The following NFU1 variants were observed in gnomAD, a reference collection of about 807,000 sequenced individuals.
NFU1 encodes NFU1 iron-sulfur cluster scaffold homolog, mitochondrial.
A neutral mutation model predicts 32.2 loss-of-function variants in NFU1; 30 were observed. That is an observed-to-expected ratio of 0.93 (90% CI 0.70 to 1.26). The LOEUF (loss-of-function observed/expected upper bound fraction) is 1.26. Ranked by LOEUF, NFU1 falls within the 50% of genes most tolerant of loss-of-function variation. NFU1 has a pLI of 0.00. For synonymous variants in NFU1, 112 were observed against 104.6 expected, an observed-to-expected ratio of 1.07 and a Z score of -0.43; for missense variants, 306 against 306.6, an observed-to-expected ratio of 1.00 and a Z score of 0.02.
chr2:69,438,459 G>A (rs1383049388), upstream of NFU1, among the ~76,000 whole-genome samples: 1 of 151,962 alleles, frequency 6.6e-6, no homozygotes, highest in Non-Finnish European at 1.5e-5. Flanking sequence ...GTAGAGAAGA[G>A]GTCTCCCTGT....
chr2:69,405,190 G>A (rs1672658238), intron 6 of NFU1, among the ~76,000 whole-genome samples: 1 of 152,076 alleles, frequency 6.6e-6, no homozygotes, highest in South Asian at 2.1e-4. Flanking sequence ...AGGCTGTAGT[G>A]AGCTGAGATT....
At chr2:69,396,333 A>G in intron 7 of NFU1, 43 bp from the exon 8 acceptor site, 1 of 1,474,150 alleles carries the variant, frequency 6.8e-7, no homozygotes, top group Non-Finnish European at 9.4e-7. Context: ...TAAGAAAATG[A>G]TTAGATTTTG....
Position 69,401,043 on chromosome 2 carries a change from C to A in NFU1, c.546-505G>T, listed in dbSNP as rs1270610248. Among the ~76,000 whole-genome samples the A allele has an allele frequency of 2.0e-5, 3 of 152,272 alleles. No individual in the cohort carries two copies. The East Asian group carries it at 5.8e-4, about 29-fold the overall frequency. On this transcript the variant is annotated intron_variant, in intron 6 of 7. Coordinates refer to ENST00000410022, the MANE Select transcript of NFU1 (RefSeq NM_001002755.4). ...TGTGATTACCTAAAATATACTCAGT[C>A]ACTTCTTTTGAGTGAAGGAAAAGGG...
chr2:69,411,414 C>A (rs2104762075), intron 5 of NFU1, among the ~76,000 whole-genome samples: 1 of 151,924 alleles, frequency 6.6e-6, no homozygotes, highest in South Asian at 2.1e-4. Context: ...AAGGCATAAA[C>A]CACAAAGGAA....
At chr2:69,418,251 T>A (rs955845746) in intron 4 of NFU1, among the ~76,000 whole-genome samples, 1 of 151,898 alleles carries the variant, frequency 6.6e-6, no homozygotes, top group African/African-American at 2.4e-5. Flanking sequence ...AATACAAAAA[T>A]TAGTTGGACA....
At chr2:69,412,841 G>T (rs945804791) in intron 5 of NFU1, among the ~76,000 whole-genome samples, 1 of 131,282 alleles carries the variant, frequency 7.6e-6, no homozygotes, top group Non-Finnish European at 1.5e-5. Context: ...TTGGGTGACA[G>T]AGCAGGTCAC....
intron 3 of NFU1, among the ~76,000 whole-genome samples, chr2:69,420,986 T>C (rs186856190): frequency 2.1e-3 from 316 of 152,188 alleles, no homozygotes; most frequent in African/African-American, 7.2e-3. Context: ...GACAGAACAC[T>C]TGAGCTCAGG....
At chr2:69,402,219 T>G (rs1049652263) in intron 6 of NFU1, among the ~76,000 whole-genome samples, 3 of 152,164 alleles carry the variant, frequency 2.0e-5, no homozygotes, top group Non-Finnish European at 4.4e-5. Context: ...TTTTGCGAAG[T>G]ACCTGCTCCA....
intron 6 of NFU1, 31 bp from the exon 7 acceptor site, chr2:69,400,569 T>C (rs2104735700): frequency 6.3e-7 from 1 of 1,597,608 alleles, no homozygotes; most frequent in East Asian, 2.2e-5. Context: ...TATGACATAT[T>C]CTTTAAAATA....
chr2:69,419,485 CAG>C (rs1266720697), intron 4 of NFU1, 51 bp downstream of exon 4: 5 of 936,458 alleles, frequency 5.3e-6, no homozygotes, highest in Non-Finnish European at 8.5e-6. Context: ...GCATTGGACT[CAG>C]AAAAAAATGA....
At chr2:69,399,006 G>A (rs1426045178) in intron 7 of NFU1, among the ~76,000 whole-genome samples, 1 of 152,078 alleles carries the variant, frequency 6.6e-6, no homozygotes, top group Non-Finnish European at 1.5e-5. Context: ...GAGCTCAGGA[G>A]TTTGAAATCA....
At chr2:69,410,985 A>G (rs1449068158) in intron 5 of NFU1, 1 of 152,124 alleles carries the variant, frequency 6.6e-6, no homozygotes, top group Non-Finnish European at 1.5e-5. Context: ...ATTATCATAT[A>G]CTATACTAAT....
At chr2:69,400,698 G>T (rs533938483) in intron 6 of NFU1, among the ~76,000 whole-genome samples, 160 bp from the exon 7 acceptor site, 1 of 133,502 alleles carries the variant, frequency 7.5e-6, no homozygotes, top group East Asian at 2.0e-4. Context: ...GTTTTATTTA[G>T]AATTAAATTT....
At chr2:69,404,625 T>C (rs972968947) in intron 6 of NFU1, among the ~76,000 whole-genome samples, 1 of 126,962 alleles carries the variant, frequency 7.9e-6, no homozygotes, top group Non-Finnish European at 1.7e-5. Flanking sequence ...ATTTTTTTTT[T>C]TTTTTTTTTT....
chr2:69,418,029 G>A (rs1243772990), intron 4 of NFU1, among the ~76,000 whole-genome samples: 1 of 152,094 alleles, frequency 6.6e-6, no homozygotes, highest in African/African-American at 2.4e-5. Flanking sequence ...TAAAGCACTA[G>A]GGCCATATCC....
intron 1 of NFU1, among the ~76,000 whole-genome samples, chr2:69,435,085 T>C (rs902936795): frequency 6.6e-6 from 1 of 152,140 alleles, no homozygotes; most frequent in Non-Finnish European, 1.5e-5. Flanking sequence ...TAATGGCTGG[T>C]AATCATTTAC....
At chr2:69,407,735 T>A (rs374662090) in intron 5 of NFU1, among the ~76,000 whole-genome samples, 1 of 146,206 alleles carries the variant, frequency 6.8e-6, no homozygotes, top group East Asian at 2.1e-4. Context: ...ACAAAAGGGC[T>A]GGGCGCAGTG....
intron 1 of NFU1, among the ~76,000 whole-genome samples, chr2:69,433,105 G>A (rs1314019448): frequency 2.7e-4 from 5 of 18,858 alleles, no homozygotes; most frequent in East Asian, 2.2e-3. Flanking sequence ...AGCCGAGATC[G>A]TGCCACTGCA....
upstream of NFU1, among the ~76,000 whole-genome samples, chr2:69,438,614 T>C (rs2104831584): frequency 6.6e-6 from 1 of 152,130 alleles, no homozygotes; most frequent in East Asian, 1.9e-4. Context: ...AATTTGAGAA[T>C]CACTGTTCTG....
Sources: gnomAD v4.1 joint callset for allele counts (sites outside exome capture counted in the v4.1 genomes callset) on GRCh38, gnomAD v4.1.1 for gene constraint, MANE v1.5 for transcripts, NCBI Gene and HGNC (gene_info 2026-07-23, HGNC 2026-07-21) for gene names.